LATS2: variants seen among roughly 807,000 people sequenced by gnomAD.
The protein encoded by LATS2 is serine/threonine-protein kinase LATS2.
LATS2 carries 24 observed loss-of-function variants against 76.0 expected under a neutral mutation model. The ratio of observed to expected loss-of-function variants is 0.32; its 90% CI spans 0.23 to 0.44. LATS2 has a LOEUF of 0.44. LATS2 is among the 20% of genes least tolerant of loss of function. The pLI is 1.00. For missense variants in LATS2, 1,286 were observed against 1,481.2 expected (o/e 0.87, Z 2.16); for synonymous variants, 692 against 635.4 (o/e 1.09, Z -1.34).
chr13:21,001,473 G>A (rs79820865), intron 2 of LATS2, among the ~76,000 whole-genome samples: 1,731 of 152,300 alleles, frequency 0.011, 31 homozygotes, highest in African/African-American at 0.04. Context: ...ATGAGCAGAA[G>A]TGCTGCTGTG....
At position 20,973,369 on chromosome 13, in the gene LATS2, A is replaced by G. The variant is rs1595203930; in HGVS notation, c.*1501T>C. ...TGGATACATTATGCTAAGAACTTCA[A>G]GGAAAAATATGTGGAATAATATAAT... On this transcript the variant is annotated 3_prime_UTR_variant, in exon 8 of 8. Transcript: ENST00000382592. 1 of 231,466 alleles carries G rather than the reference A, an allele frequency of 4.3e-6. No individual in the cohort carries two copies. Among genetic ancestry groups the G allele is most frequent in the East Asian group, 6.2e-5 (1 of 16,134 alleles). The allele number at this position is 231,466 out of a possible 1,614,324, so 14.3% of individuals were successfully genotyped here.
chr13:21,023,664 AAAAAAAAAAAAAAAAAAAAC>A (rs1565957661), intron 2 of LATS2, among the ~76,000 whole-genome samples: 10 of 91,612 alleles, frequency 1.1e-4, no homozygotes, highest in East Asian at 3.0e-4. Flanking sequence ...AAAAAAAAAA[AAAAAAAAAAAAAAAAAAAAC>A]AAACCTCGGC....
intron 2 of LATS2, among the ~76,000 whole-genome samples, chr13:21,016,835 AACTAACTCT>A (rs1871818690): frequency 6.6e-6 from 1 of 152,174 alleles, no homozygotes; most frequent in African/African-American, 2.4e-5. Flanking sequence ...ACAACACCTG[AACTAACTCT>A]CTTTATCACG....
At chr13:21,000,349 C>T (rs1180811229) in intron 2 of LATS2, among the ~76,000 whole-genome samples, 1 of 151,956 alleles carries the variant, frequency 6.6e-6, no homozygotes, top group African/African-American at 2.4e-5. Flanking sequence ...CCACTGTACT[C>T]CAGCCTGGGT....
intron 2 of LATS2, among the ~76,000 whole-genome samples, chr13:20,995,205 G>GA (rs1375143891): frequency 3.6e-4 from 54 of 150,878 alleles, no homozygotes; most frequent in Admixed American, 9.3e-4. Context: ...GTGTTTCTGG[G>GA]AAAAAAAAAC....
At chr13:21,041,175 T>C (rs1256000523) in intron 2 of LATS2, among the ~76,000 whole-genome samples, 7 of 152,142 alleles carry the variant, frequency 4.6e-5, no homozygotes, top group Non-Finnish European at 1.0e-4. Flanking sequence ...GGTTTCACCA[T>C]GTTAGCCAGG....
intron 3 of LATS2, among the ~76,000 whole-genome samples, chr13:20,990,844 C>G (rs1870477025): frequency 6.6e-6 from 1 of 152,208 alleles, no homozygotes; most frequent in African/African-American, 2.4e-5. Flanking sequence ...AACCCCCACT[C>G]TCAGAAGCTA....
chr13:21,035,130 G>A (rs964942365), intron 2 of LATS2, among the ~76,000 whole-genome samples: 2 of 151,960 alleles, frequency 1.3e-5, no homozygotes, highest in African/African-American at 4.8e-5. Context: ...AATCTAAAAC[G>A]AGTAAAACCT....
At chr13:21,000,048 G>C (rs1051570113) in intron 2 of LATS2, among the ~76,000 whole-genome samples, 1 of 151,886 alleles carries the variant, frequency 6.6e-6, no homozygotes, top group East Asian at 1.9e-4. Flanking sequence ...AAAATAAAGA[G>C]CATTTTACAA....
Position 20,988,801 on chromosome 13 carries a change from G to T in LATS2, c.979C>A (p.Gln327Lys), listed in dbSNP as rs1424719042. ...CTGCGGGAGCCCAGCACATGCAGCTGGTGGGCCGCGGGACCGGCCTGCTTG... is the reference window on the plus strand; with the variant it reads ...CTGCGGGAGCCCAGCACATGCAGCTTGTGGGCCGCGGGACCGGCCTGCTTG... Reference protein sequence around the residue: ...HHKQAGPAAHQLHVLGSRSQV... With the variant: ...HHKQAGPAAHKLHVLGSRSQV... Residue 327 changes from glutamine to lysine, a missense_variant, in exon 4 of 8, where the codon CAG becomes AAG. Around this residue, in one of 5 missense-constraint regions of LATS2, gnomAD observed 710 missense variants for 660.9 expected, o/e 1.07. Transcript: ENST00000382592. The T allele has an allele frequency of 1.3e-6, 2 of 1,595,458 alleles. No homozygotes were observed. The highest frequency in any genetic ancestry group is 2.2e-5 in the South Asian group (2 of 90,550).
At chr13:21,058,568 C>T (rs1873523708) in intron 1 of LATS2, among the ~76,000 whole-genome samples, 1 of 152,206 alleles carries the variant, frequency 6.6e-6, no homozygotes, top group Non-Finnish European at 1.5e-5. Context: ...TGCTAAGGAA[C>T]ATGTACAGCT....
Position 20,974,575 on chromosome 13 carries a change from G to C in LATS2, c.*295C>G, listed in dbSNP as rs1869501419. ...TGTCAAAGTTAATCCCTATAATTTA[G>C]TAAGAAAAAATGGATATAAACAAAA... On this transcript the variant is annotated 3_prime_UTR_variant, in exon 8 of 8. Coordinates refer to ENST00000382592, the MANE Select transcript of LATS2 (RefSeq NM_014572.3). 1 of 323,244 alleles carries C rather than the reference G, an allele frequency of 3.1e-6. No homozygotes were observed. The highest frequency in any genetic ancestry group is 4.5e-5 in the Admixed American group (1 of 22,416). 20.0% of individuals were successfully genotyped at this position (323,244 alleles called of 1,614,324 possible). A position where few individuals can be genotyped will look rare whatever the true frequency, so the allele number is the denominator to read the frequency against.
In LATS2 at chr13:20,981,598, C is replaced by T. The variant is rs1869891290; in HGVS notation, c.2533G>A (p.Val845Met). ...SMEPSDLWDDVSNCRCGDRLK... is the reference protein window; with the variant it reads ...SMEPSDLWDDMSNCRCGDRLK... ...CTGTCCCCACACCGACAGTTAGACA[C>T]ATCATCCCAGAGGTCGCTGGGCTCC... The change falls in exon 6 of 8, where the codon GTG becomes ATG. Residue 845 changes from valine (V) to methionine (M), a missense_variant. Physicochemically the swap from Val to Met is conservative, Grantham distance 21 (BLOSUM62 1). Coordinates refer to ENST00000382592, the MANE Select transcript of LATS2 (RefSeq NM_014572.3). 1 of 1,614,182 alleles carries T rather than the reference C, an allele frequency of 6.2e-7. No homozygotes were observed. The highest frequency in any genetic ancestry group is 1.7e-5 in the Admixed American group (1 of 60,016).
chr13:21,056,713 G>A (rs1873460582), intron 1 of LATS2, among the ~76,000 whole-genome samples: 1 of 152,178 alleles, frequency 6.6e-6, no homozygotes, highest in Non-Finnish European at 1.5e-5. Context: ...CACTGCTATG[G>A]ACTGAAGTAA....
chr13:21,039,510 C>T (rs1055115817), intron 2 of LATS2, among the ~76,000 whole-genome samples: 10 of 152,094 alleles, frequency 6.6e-5, no homozygotes, highest in African/African-American at 1.4e-4. Context: ...ATAAATATCC[C>T]GAGGAGATCT....
chr13:21,033,596 G>A (rs986705960), intron 2 of LATS2, among the ~76,000 whole-genome samples: 2 of 150,970 alleles, frequency 1.3e-5, no homozygotes, highest in East Asian at 1.9e-4. Flanking sequence ...AGACACACAC[G>A]GTATCGCTGA....
chr13:20,982,230 T>C (rs1869921916), intron 5 of LATS2, among the ~76,000 whole-genome samples: 1 of 152,228 alleles, frequency 6.6e-6, no homozygotes, highest in African/African-American at 2.4e-5. Context: ...GGCAGAACTA[T>C]AGGAAATGGA....
chr13:21,010,201 A>AAAAACAAACAAAC (rs1555225650), intron 2 of LATS2, among the ~76,000 whole-genome samples: 4 of 150,610 alleles, frequency 2.7e-5, no homozygotes, highest in Non-Finnish European at 4.4e-5. Flanking sequence ...CTCTGTCAAA[A>AAAAACAAACAAAC]AAACAAACAA....
intron 2 of LATS2, among the ~76,000 whole-genome samples, chr13:20,998,789 G>A (rs1303958759): frequency 6.6e-6 from 1 of 152,016 alleles, no homozygotes; most frequent in Non-Finnish European, 1.5e-5. Context: ...GTGGGGCAGA[G>A]CCCCGTGACC....
Sources: allele counts gnomAD v4.1 joint callset (sites outside exome capture counted in the v4.1 genomes callset), GRCh38; gene constraint gnomAD v4.1.1; regional missense constraint gnomAD v4.1.1; transcripts MANE v1.5; gene names NCBI Gene and HGNC (gene_info 2026-07-23, HGNC 2026-07-21).